The following SPRR2G variants were observed in gnomAD, a reference collection of about 807,000 sequenced individuals.
SPRR2G encodes small proline rich protein 2G, also known as small proline-rich protein 2G.
Under a neutral mutation model 0.7 loss-of-function variants are expected in SPRR2G, and 1 was observed. The ratio of observed to expected loss-of-function variants is 1.49; its 90% CI spans 0.53 to 7.06. The LOEUF (loss-of-function observed/expected upper bound fraction) is 7.06, where lower values mean the gene tolerates loss of function less well. Among genes scored for constraint, SPRR2G ranks in the 30% most tolerant of loss-of-function variants. The pLI, the probability that SPRR2G is intolerant of heterozygous loss-of-function variation, is 0.14. For missense variants in SPRR2G, 96 were observed against 88.5 expected (o/e 1.09, Z -0.34); for synonymous variants, 38 against 33.9 (o/e 1.12, Z -0.42).
At chr1:153,166,504 G>T in the SPRR2G span, among the ~76,000 whole-genome samples, 1 of 152,054 alleles carries the variant, frequency 6.6e-6, no homozygotes, top group Non-Finnish European at 1.5e-5. Context: ...CCTAATATCA[G>T]CAGCAACAAA....
At chr1:153,182,373 CT>C in the SPRR2G span, among the ~76,000 whole-genome samples, 646 of 138,504 alleles carry the variant, frequency 4.7e-3, 2 homozygotes, top group South Asian at 0.025. Flanking sequence ...TTTGTCATGA[CT>C]TTTTTTTTTT....
At chr1:153,202,967 T>A in the SPRR2G span, among the ~76,000 whole-genome samples, 16 of 152,176 alleles carry the variant, frequency 1.1e-4, no homozygotes, top group African/African-American at 3.6e-4. Context: ...TAAGGCAGGA[T>A]CTGGGGCTAA....
chr1:153,177,496 C>CT, the SPRR2G span, among the ~76,000 whole-genome samples: 1 of 152,150 alleles, frequency 6.6e-6, no homozygotes. Context: ...GCTCCACCTC[C>CT]TTGCCACACT....
the SPRR2G span, among the ~76,000 whole-genome samples, chr1:153,156,437 A>G: frequency 6.6e-6 from 1 of 152,238 alleles, no homozygotes; most frequent in Non-Finnish European, 1.5e-5. Flanking sequence ...TATCTTGCCA[A>G]TGGATTACAA....
chr1:153,153,527 G>A (rs1258082876), upstream of SPRR2G, among the ~76,000 whole-genome samples: 1 of 152,142 alleles, frequency 6.6e-6, no homozygotes, highest in Non-Finnish European at 1.5e-5. Flanking sequence ...TGGGAATTAT[G>A]AGGCTGAATT....
the SPRR2G span, among the ~76,000 whole-genome samples, chr1:153,167,695 G>A: frequency 3.9e-5 from 6 of 152,072 alleles, no homozygotes; most frequent in Admixed American, 1.3e-4. Context: ...TAAGTTCTCT[G>A]ACCTTATCTT....
chr1:153,165,440 A>T, the SPRR2G span, among the ~76,000 whole-genome samples: 1 of 152,198 alleles, frequency 6.6e-6, no homozygotes, highest in Non-Finnish European at 1.5e-5. Flanking sequence ...CAGGTTCCAG[A>T]ACTTGAATCC....
At chr1:153,190,974 C>T in the SPRR2G span, 2 of 152,210 alleles carry the variant, frequency 1.3e-5, no homozygotes, top group Admixed American at 6.5e-5. Flanking sequence ...GACAAAGTCA[C>T]AGAGAGACAA....
chr1:153,163,523 A>G, the SPRR2G span, among the ~76,000 whole-genome samples: 1 of 152,218 alleles, frequency 6.6e-6, no homozygotes, highest in African/African-American at 2.4e-5. Context: ...AGAGGTCTTC[A>G]AAATGTTAGC....
the SPRR2G span, among the ~76,000 whole-genome samples, chr1:153,180,555 A>G: frequency 8.5e-5 from 13 of 152,196 alleles, 1 homozygote; most frequent in East Asian, 7.7e-4. Context: ...GGAATTTTTA[A>G]AAATAGTGCT....
the SPRR2G span, among the ~76,000 whole-genome samples, chr1:153,185,377 T>C: frequency 6.6e-6 from 1 of 151,816 alleles, no homozygotes; most frequent in Non-Finnish European, 1.5e-5. Context: ...CTATTAATTA[T>C]TGCCTCAATT....
At chr1:153,191,160 A>G in the SPRR2G span, 1 of 152,260 alleles carries the variant, frequency 6.6e-6, no homozygotes, top group Non-Finnish European at 1.5e-5. Flanking sequence ...CCACCTCTAC[A>G]TGAGGCACCT....
At chr1:153,156,208 A>C in the SPRR2G span, among the ~76,000 whole-genome samples, 1,122 of 152,324 alleles carry the variant, frequency 7.4e-3, 12 homozygotes, top group African/African-American at 0.024. Context: ...AAAAAATAAC[A>C]TTTAATATTC....
At chr1:153,182,413 G>A in the SPRR2G span, among the ~76,000 whole-genome samples, 1 of 151,730 alleles carries the variant, frequency 6.6e-6, no homozygotes, top group Non-Finnish European at 1.5e-5. Context: ...AGATACATCT[G>A]CAGAACATGC....
chr1:153,183,956 C>G, the SPRR2G span, among the ~76,000 whole-genome samples: 3 of 152,182 alleles, frequency 2.0e-5, no homozygotes, highest in Non-Finnish European at 4.4e-5. Flanking sequence ...AGTTTTCCAG[C>G]ACCTTTTATT....
upstream of SPRR2G, among the ~76,000 whole-genome samples, chr1:153,155,281 A>G (rs930805720): frequency 6.6e-6 from 1 of 152,138 alleles, no homozygotes; most frequent in African/African-American, 2.4e-5. Context: ...CAAGCTGATC[A>G]TCTTTCCCAC....
At chr1:153,185,333 C>A in the SPRR2G span, among the ~76,000 whole-genome samples, 1 of 128,732 alleles carries the variant, frequency 7.8e-6, no homozygotes, top group African/African-American at 3.4e-5. Flanking sequence ...TCCTTCTGGT[C>A]CTGGGCTTTT....
chr1:153,158,087 A>T, the SPRR2G span, among the ~76,000 whole-genome samples: 32 of 152,032 alleles, frequency 2.1e-4, no homozygotes, highest in Non-Finnish European at 4.0e-4. Flanking sequence ...CTGCTCCTGG[A>T]CCCTCCCAAA....
At chr1:153,191,752 T>C in the SPRR2G span, 3 of 152,206 alleles carry the variant, frequency 2.0e-5, no homozygotes, top group Non-Finnish European at 2.9e-5. Context: ...GGCATGATTG[T>C]AGGCCAGGTC....
Sources: allele counts gnomAD v4.1 joint callset (sites outside exome capture counted in the v4.1 genomes callset), GRCh38; gene constraint gnomAD v4.1.1; transcripts MANE v1.5; gene names NCBI Gene and HGNC (gene_info 2026-07-23, HGNC 2026-07-21).